TTC7B: variants seen among roughly 807,000 people sequenced by gnomAD.
TTC7B encodes tetratricopeptide repeat domain 7B.
In TTC7B, 28 loss-of-function variants were observed where a neutral mutation model predicts 106.8. The ratio of observed to expected loss-of-function variants is 0.26; its 90% CI spans 0.19 to 0.36. The LOEUF is 0.36. Among genes scored for constraint, TTC7B ranks in the 10% least tolerant of loss-of-function variants. TTC7B has a pLI of 1.00. For missense variants in TTC7B, 862 were observed against 1,076.4 expected (o/e 0.80, Z 2.79); for synonymous variants, 405 against 430.6 (o/e 0.94, Z 0.74).
intron 19 of TTC7B, among the ~76,000 whole-genome samples, chr14:90,571,522 T>C (rs1891035189): frequency 6.6e-6 from 1 of 152,190 alleles, no homozygotes; most frequent in Non-Finnish European, 1.5e-5. Context: ...GAAAAAAAAG[T>C]TATTCTCCTC....
At chr14:90,576,519 A>G (rs1312810656) in intron 19 of TTC7B, among the ~76,000 whole-genome samples, 1 of 152,210 alleles carries the variant, frequency 6.6e-6, no homozygotes, top group Non-Finnish European at 1.5e-5. Flanking sequence ...TTCCTATTTC[A>G]TGAGCACCTA....
In TTC7B at chr14:90,780,707, G is replaced by A. The variant is rs370772424; in HGVS notation, c.445+31C>T. ...AGAGGCGCTGCTGGCTCCAGGTCAC[G>A]GGACACTGTGTTAGAAGGCACGGGC... is the stretch of plus-strand genomic sequence containing the variant. On this transcript the variant is annotated intron_variant, in intron 3 of 19. Coordinates refer to ENST00000328459, the MANE Select transcript of TTC7B (RefSeq NM_001010854.2). The A allele has an allele frequency of 3.4e-5, 54 of 1,601,810 alleles. No individual in the cohort carries two copies. In the Middle Eastern group the frequency reaches 5.5e-4, roughly 16 times the overall value.
chr14:90,767,490 G>A (rs8003457), intron 3 of TTC7B, among the ~76,000 whole-genome samples: 42,050 of 152,026 alleles, frequency 0.28, 9,640 homozygotes, highest in African/African-American at 0.64. Context: ...CCATTATCTT[G>A]GGAGTAGATT....
At chr14:90,646,893 A>G (rs1885480221) in intron 14 of TTC7B, 58 bp downstream of exon 14, 1 of 1,441,870 alleles carries the variant, frequency 6.9e-7, no homozygotes, top group African/African-American at 1.4e-5. Flanking sequence ...TGAAGAGCTG[A>G]AGGAGTTGTA....
At chr14:90,602,160 C>T (rs2139831546) in intron 17 of TTC7B, 1 of 456,112 alleles carries the variant, frequency 2.2e-6, no homozygotes, top group East Asian at 6.9e-5. Flanking sequence ...TCCCCATATC[C>T]ACCAGCATTT....
chr14:90,691,786 G>A (rs554228686), intron 6 of TTC7B, among the ~76,000 whole-genome samples: 2 of 152,126 alleles, frequency 1.3e-5, no homozygotes, highest in Admixed American at 6.6e-5. Context: ...ACAATGTTGT[G>A]CAACCATTAG....
intron 1 of TTC7B, among the ~76,000 whole-genome samples, chr14:90,804,379 G>A (rs1330510723): frequency 2.0e-5 from 3 of 152,140 alleles, no homozygotes; most frequent in Non-Finnish European, 2.9e-5. Flanking sequence ...GAAGCCTCGA[G>A]GCTGCAGGTC....
Position 90,805,118 on chromosome 14 carries a change from G to A in TTC7B, c.121+11057C>T, listed in dbSNP as rs2030528989. Among the ~76,000 whole-genome samples the A allele has an allele frequency of 6.6e-6, 1 of 151,402 alleles. No homozygotes were observed. The highest frequency in any genetic ancestry group is 6.6e-5 in the Admixed American group (1 of 15,238). On this transcript the variant is annotated intron_variant, in intron 1 of 19. Transcript: ENST00000328459. The surrounding 1 kb of genome is among the most constrained non-coding windows in gnomAD (Gnocchi z 4.0). ...ACCAGGTCTCGGGTGGACGCCCACA[G>A]CCACTCCCAGTCCTGAGCACGTGCC... is the stretch of plus-strand genomic sequence containing the variant.
intron 5 of TTC7B, among the ~76,000 whole-genome samples, chr14:90,715,421 T>C (rs1051744163): frequency 2.6e-5 from 4 of 152,126 alleles, no homozygotes; most frequent in Non-Finnish European, 5.9e-5. Flanking sequence ...AATTCTTGCC[T>C]TTCCCTCTAT....
intron 2 of TTC7B, among the ~76,000 whole-genome samples, chr14:90,782,559 A>G (rs575170015): frequency 1.1e-4 from 17 of 152,278 alleles, no homozygotes; most frequent in Admixed American, 4.6e-4. Context: ...AGATCACGCC[A>G]TTGCACTCCA....
At chr14:90,679,567 A>G (rs1308015386) in intron 8 of TTC7B, among the ~76,000 whole-genome samples, 1 of 152,214 alleles carries the variant, frequency 6.6e-6, no homozygotes, top group Non-Finnish European at 1.5e-5. Flanking sequence ...ACAGGAGACC[A>G]CTGCGTGATG....
intron 6 of TTC7B, among the ~76,000 whole-genome samples, chr14:90,691,247 T>G (rs1197872974): frequency 6.6e-6 from 1 of 152,184 alleles, no homozygotes; most frequent in Non-Finnish European, 1.5e-5. Flanking sequence ...ATTTTAAAGT[T>G]GTAAAAATTT....
At chr14:90,699,570 T>C (rs1887903441) in intron 5 of TTC7B, among the ~76,000 whole-genome samples, 2 of 152,204 alleles carry the variant, frequency 1.3e-5, no homozygotes, top group African/African-American at 2.4e-5. Context: ...GTCAATTTCC[T>C]GGGTAATGAG....
chr14:90,744,054 C>T (rs1454778468), intron 4 of TTC7B, among the ~76,000 whole-genome samples: 1 of 152,254 alleles, frequency 6.6e-6, no homozygotes, highest in Non-Finnish European at 1.5e-5. Context: ...ACCCGATGTA[C>T]TCAGCTCGGT....
Position 90,525,881 on chromosome 14 carries a change from C to T in TTC7B, c.*15487G>A, listed in dbSNP as rs1889136941. On this transcript the variant is annotated 3_prime_UTR_variant, in exon 20 of 20. Transcript: ENST00000328459. The stretch of plus-strand genomic sequence containing the variant: ...CTAAAGCTCTCAGAGTGGAAGAGTA[C>T]CAGGACATGGGGGTGGGGGTTGGGG... 6.9e-6 allele frequency: 1 copy of T among 144,862 alleles called. No homozygotes were observed. The highest frequency in any genetic ancestry group is 2.6e-5 in the African/African-American group (1 of 38,798). The allele number at this position is 144,862 out of a possible 1,614,324, so 9.0% of individuals were successfully genotyped here.
At chr14:90,633,887 G>A (rs1442072786) in intron 15 of TTC7B, among the ~76,000 whole-genome samples, 1 of 151,046 alleles carries the variant, frequency 6.6e-6, no homozygotes, top group Non-Finnish European at 1.5e-5. Context: ...TTTTTTTTCG[G>A]GAGTGGGGAC....
chr14:90,741,799 G>T lies in TTC7B; in HGVS notation c.576+2993C>A, dbSNP rs577761053. On this transcript the variant is annotated intron_variant, in intron 4 of 19. Coordinates refer to ENST00000328459, the MANE Select transcript of TTC7B (RefSeq NM_001010854.2). ...AGGTTATTCTCCTCGCTAGCCTTCTGCTTAATCAACAGTTAGTTTCTTGAG... is the reference window on the plus strand; with the variant it reads ...AGGTTATTCTCCTCGCTAGCCTTCTTCTTAATCAACAGTTAGTTTCTTGAG... Among the ~76,000 whole-genome samples, 80 of 152,262 alleles carry T rather than the reference G, an allele frequency of 5.3e-4. 1 individual carries two copies. The highest frequency in any genetic ancestry group is 1.9e-3 in the African/African-American group (77 of 41,560).
rs1387548663 is a variant in TTC7B at position 90,776,000 on chromosome 14, TG to T, written c.445+4737del. Among the ~76,000 whole-genome samples, 3 of 152,300 alleles carry T rather than the reference TG, an allele frequency of 2.0e-5. No homozygotes were observed. The East Asian group carries it at 5.8e-4, about 29-fold the overall frequency. The stretch of plus-strand genomic sequence containing the variant: ...TTGTCTCTTTTATTAATTATGTTTC[TG>T]TTTATAAAGCAGAGATAGGTGCTTA... On this transcript the variant is annotated intron_variant, in intron 3 of 19. Transcript: ENST00000328459.
intron 6 of TTC7B, among the ~76,000 whole-genome samples, chr14:90,690,838 C>T (rs1049521240): frequency 6.6e-6 from 1 of 152,168 alleles, no homozygotes; most frequent in South Asian, 2.1e-4. Flanking sequence ...TCTTAAAACA[C>T]CACAAGGAAA....
Sources: gnomAD v4.1 joint callset for allele counts (sites outside exome capture counted in the v4.1 genomes callset) on GRCh38, gnomAD v4.1.1 for gene constraint, Gnocchi (gnomAD v3.1) non-coding constraint, MANE v1.5 for transcripts, NCBI Gene and HGNC (gene_info 2026-07-23, HGNC 2026-07-21) for gene names.